Variants in CANX observed in about 807,000 individuals in gnomAD.
CANX encodes the protein epididymis secretory sperm binding protein.
In CANX, 14 loss-of-function variants were observed where a neutral mutation model predicts 75.7. That is an observed-to-expected ratio of 0.19 (90% CI 0.12 to 0.29). CANX has a LOEUF of 0.29. Among genes scored for constraint, CANX ranks in the 10% least tolerant of loss-of-function variants. The pLI is 1.00. For missense variants in CANX, 567 were observed against 713.2 expected (o/e 0.79, Z 2.34); for synonymous variants, 227 against 236.9 (o/e 0.96, Z 0.38).
At position 179,728,747 on chromosome 5, in the gene CANX, TC is replaced by T; in HGVS notation, c.*104del. The T allele has an allele frequency of 2.6e-6, 2 of 778,242 alleles. No individual in the cohort carries two copies. The highest frequency in any genetic ancestry group is 4.6e-6 in the Non-Finnish European group (2 of 434,278). 48.2% of individuals were successfully genotyped at this position (778,242 alleles called of 1,614,324 possible). On this transcript the variant is annotated 3_prime_UTR_variant, in exon 15 of 15. Transcript: ENST00000247461. ...ACCTTAGGTTGACATTCAGAAAACTTCAAGACATCACCATCAGCAGGCTCCA... is the reference window on the plus strand; with the variant it reads ...ACCTTAGGTTGACATTCAGAAAACTTAAGACATCACCATCAGCAGGCTCCA...
intron 5 of CANX, 49 bp from the exon 6 acceptor site, chr5:179,708,929 C>T (rs891256073): frequency 2.2e-5 from 21 of 942,518 alleles, no homozygotes; most frequent in Non-Finnish European, 2.8e-5. Context: ...AAGAGAGTTT[C>T]GATCTTTCAA....
intron 2 of CANX, 151 bp from the exon 3 acceptor site, chr5:179,706,107 G>A (rs1777123182): frequency 3.3e-6 from 2 of 602,966 alleles, no homozygotes. Context: ...GGCAGCCTTT[G>A]TCTTGCTAGA....
chr5:179,724,668 T>C lies in CANX; in HGVS notation c.1530T>C (p.Ser510=). The change falls in exon 13 of 15, where the codon AGT becomes AGC. Residue 510 remains serine (S), a synonymous_variant. Transcript: ENST00000247461. ...GGGGAACATTTCAGAAACAGACCAG[T>C]GGTATGGAGTATAAGAAAACTGATG... is the stretch of plus-strand genomic sequence containing the variant. ...LFCCSGKKQT[S]GMEYKKTDAP... The C allele has an allele frequency of 6.2e-7, 1 of 1,613,254 alleles. No individual in the cohort carries two copies. The highest frequency in any genetic ancestry group is 8.5e-7 in the Non-Finnish European group (1 of 1,179,492).
intron 11 of CANX, 88 bp from the exon 12 acceptor site, chr5:179,723,572 A>C: frequency 7.3e-7 from 1 of 1,375,814 alleles, no homozygotes; most frequent in South Asian, 1.3e-5. Flanking sequence ...GCGTAGTGCC[A>C]TGCCATAACT....
chr5:179,712,653 G>C lies in CANX; in HGVS notation c.721+2588G>C, dbSNP rs917679269. ...TTGGTCAGGCTGGTCTCAAACTCCC[G>C]ACGTCAGGTGATCTGCCCGCCTCAG... On this transcript the variant is annotated intron_variant, in intron 7 of 14. Coordinates refer to ENST00000247461, the MANE Select transcript of CANX (RefSeq NM_001746.4). Among the ~76,000 whole-genome samples the C allele has an allele frequency of 4.0e-5, 6 of 148,960 alleles. 1 individual carries two copies. The highest frequency in any genetic ancestry group is 6.5e-3 in the Middle Eastern group (2 of 310).
chr5:179,719,703 A>G lies in CANX; in HGVS notation c.947A>G (p.Glu316Gly), dbSNP rs745553209. 6.2e-7 allele frequency: 1 copy of G among 1,612,876 alleles called. No homozygotes were observed. Among genetic ancestry groups the G allele is most frequent in the Non-Finnish European group, 8.5e-7 (1 of 1,179,250 alleles). The stretch of plus-strand genomic sequence containing the variant: ...GCCCCTGCTAAGATTCCAGATGAAG[A>G]GGCCACAAAACCCGAAGGCTGGTTA... Reference protein sequence around the residue: ...EDAPAKIPDEEATKPEGWLDD... With the variant: ...EDAPAKIPDEGATKPEGWLDD... The change falls in exon 9 of 15, where the codon GAG (glutamate) becomes GGG (glycine). Residue 316 changes from glutamate to glycine, a missense_variant. Around this residue, in one of 3 missense-constraint regions of CANX, gnomAD observed 351 missense variants for 433.8 expected, o/e 0.81. Transcript: ENST00000247461.
chr5:179,727,326 A>T, intron 14 of CANX, among the ~76,000 whole-genome samples: 1 of 152,374 alleles, frequency 6.6e-6, no homozygotes, highest in Middle Eastern at 3.4e-3. Flanking sequence ...GTAAGAAACG[A>T]TGAATAATTA....
chr5:179,702,428 T>C (rs1217452269), intron 1 of CANX, among the ~76,000 whole-genome samples: 1 of 147,650 alleles, frequency 6.8e-6, no homozygotes, highest in Non-Finnish European at 1.5e-5. Flanking sequence ...TCCTTCCTTC[T>C]TTTTTAAAAC....
chr5:179,720,605 T>C, intron 10 of CANX, 45 bp downstream of exon 10: 1 of 1,575,122 alleles, frequency 6.3e-7, no homozygotes, highest in African/African-American at 1.3e-5. Flanking sequence ...AATCTGTTTG[T>C]ATTCAGATAG....
Position 179,730,415 on chromosome 5 carries a change from T to G in CANX, c.*1771T>G, listed in dbSNP as rs1778925493. On this transcript the variant is annotated 3_prime_UTR_variant, in exon 15 of 15. Coordinates refer to ENST00000247461, the MANE Select transcript of CANX (RefSeq NM_001746.4). Reference sequence around the variant, plus strand: ...TAGCTACATAGCAGACTTTCCCAAATGTATTGATTACAAATAAACAGTTGT... The same window carrying G: ...TAGCTACATAGCAGACTTTCCCAAAGGTATTGATTACAAATAAACAGTTGT... 1 of 152,244 alleles carries G rather than the reference T, an allele frequency of 6.6e-6. No individual in the cohort carries two copies. The allele number at this position is 152,244 out of a possible 1,614,324, so 9.4% of individuals were successfully genotyped here. A position where few individuals can be genotyped will look rare whatever the true frequency, so the allele number is the denominator to read the frequency against.
chr5:179,705,035 C>G (rs905879204), intron 1 of CANX, among the ~76,000 whole-genome samples: 2 of 152,050 alleles, frequency 1.3e-5, no homozygotes, highest in African/African-American at 4.8e-5. Context: ...CTCTGTCACG[C>G]AGGCTAGAGT....
chr5:179,698,657 A>C, upstream of CANX: 1 of 1,170,120 alleles, frequency 8.5e-7, no homozygotes, highest in Non-Finnish European at 1.1e-6. Flanking sequence ...ACAGCAACCG[A>C]CGCGGGAACG....
intron 1 of CANX, chr5:179,699,546 G>A (rs1484837593): frequency 6.6e-6 from 1 of 152,220 alleles, no homozygotes; most frequent in Non-Finnish European, 1.5e-5. Context: ...TACAACTAGC[G>A]TTACAGTTTA....
At chr5:179,693,101 A>G (rs12188590) in intron 1 of CANX, among the ~76,000 whole-genome samples, 104,020 of 146,214 alleles carry the variant, frequency 0.71, 39,447 homozygotes, top group Non-Finnish European at 0.84. Context: ...AGCCGAGATC[A>G]TGCCACTGCA....
At chr5:179,699,324 C>T (rs970672615) in intron 1 of CANX, among the ~76,000 whole-genome samples, 10 of 152,176 alleles carry the variant, frequency 6.6e-5, no homozygotes, top group South Asian at 2.1e-4. Flanking sequence ...GGTCGGGAGG[C>T]GTGGCAGGTG....
rs1776002136 is a variant in CANX at position 179,679,647 on chromosome 5, C to T, written c.-4+870C>T. Among the ~76,000 whole-genome samples the T allele has an allele frequency of 2.0e-5, 3 of 151,644 alleles. No homozygotes were observed. The Admixed American group carries it at 2.0e-4, about 10-fold the overall frequency. On this transcript the variant is annotated intron_variant, in intron 1 of 14. Transcript: ENST00000681674. ...AGAACTTCTAGGCAGAGGGAAGAGC[C>T]GAGCAGGGCTTTCTTTTTCTTTTTT...
intron 1 of CANX, chr5:179,700,736 A>T (rs997244957): frequency 6.5e-6 from 1 of 153,356 alleles, no homozygotes; most frequent in Admixed American, 6.5e-5. Context: ...CGTTTTGGCA[A>T]TCACACTATT....
At chr5:179,725,105 C>A (rs12656648) in intron 13 of CANX, among the ~76,000 whole-genome samples, 54,390 of 152,020 alleles carry the variant, frequency 0.36, 10,785 homozygotes, top group South Asian at 0.55. Context: ...TCACTGCAGC[C>A]TTGACCTTAT....
intron 7 of CANX, among the ~76,000 whole-genome samples, chr5:179,711,905 C>T (rs113612019): frequency 0.021 from 3,206 of 151,832 alleles, 138 homozygotes; most frequent in African/African-American, 0.074. Flanking sequence ...CAAGACCAGC[C>T]TGGCCAACAT....
Sources: allele counts gnomAD v4.1 joint callset (sites outside exome capture counted in the v4.1 genomes callset), GRCh38; gene constraint gnomAD v4.1.1; regional missense constraint gnomAD v4.1.1; transcripts MANE v1.5; gene names NCBI Gene and HGNC (gene_info 2026-07-23, HGNC 2026-07-21).